Variants in AMMECR1 observed in about 807,000 individuals in gnomAD.
AMMECR1 encodes AMMECR nuclear protein 1.
Under a neutral mutation model 22.5 loss-of-function variants are expected in AMMECR1, and 3 were observed. The observed-to-expected ratio is 0.13, with a 90% CI of 0.06 to 0.35. The LOEUF is 0.35. AMMECR1 is among the 10% of genes least tolerant of loss of function. AMMECR1 has a pLI of 1.00. For synonymous variants in AMMECR1, 130 were observed against 116.7 expected (o/e 1.11, Z -0.74); for missense variants, 235 against 278.7 (o/e 0.84, Z 1.12).
chrX:110,433,776 C>T (rs1194227574), intron 1 of AMMECR1, among the ~76,000 whole-genome samples: 1 of 112,181 alleles, frequency 8.9e-6, no homozygotes, highest in East Asian at 2.8e-4. Context: ...TCATTATCGG[C>T]ATATTATATA....
intron 2 of AMMECR1, among the ~76,000 whole-genome samples, chrX:110,396,866 C>T (rs1217120504): frequency 8.9e-6 from 1 of 112,167 alleles, no homozygotes; most frequent in African/African-American, 3.2e-5. Flanking sequence ...GCACTTAGCC[C>T]ATCAGGACAG....
upstream of AMMECR1, among the ~76,000 whole-genome samples, chrX:110,322,691 G>C (rs1247542868): frequency 1.8e-5 from 2 of 111,526 alleles, no homozygotes; most frequent in African/African-American, 6.5e-5. Flanking sequence ...TCATGGCACC[G>C]AGGAGCAGAA....
chrX:110,434,828 T>C (rs2148334678), intron 1 of AMMECR1, among the ~76,000 whole-genome samples: 1 of 110,103 alleles, frequency 9.1e-6, no homozygotes, highest in Non-Finnish European at 1.9e-5. Context: ...GGGTTTCTCC[T>C]CTCCCATTTT....
chrX:110,294,410 G>A (rs1602867745), intron 1 of AMMECR1, among the ~76,000 whole-genome samples: 1 of 112,175 alleles, frequency 8.9e-6, no homozygotes, highest in African/African-American at 3.2e-5. Flanking sequence ...AAGATCCCTA[G>A]TGGGGAGAGG....
At chrX:110,293,213 T>C (rs919251804) in intron 1 of AMMECR1, among the ~76,000 whole-genome samples, 3 of 111,883 alleles carry the variant, frequency 2.7e-5, no homozygotes, top group Non-Finnish European at 3.8e-5. Context: ...AGCACCTAGG[T>C]AGCTGGGCGA....
chrX:110,409,219 A>T (rs1461929592), intron 2 of AMMECR1, among the ~76,000 whole-genome samples: 2 of 110,751 alleles, frequency 1.8e-5, no homozygotes, highest in Non-Finnish European at 3.8e-5. Flanking sequence ...ACTTTTGATC[A>T]CCAAAAGAAG....
At chrX:110,390,860 T>G (rs16985983) in intron 2 of AMMECR1, among the ~76,000 whole-genome samples, 5,347 of 112,002 alleles carry the variant, frequency 0.048, 144 homozygotes, top group African/African-American at 0.093. Flanking sequence ...TATGCCTTTC[T>G]TTCCCACGTC....
chrX:110,329,394 T>G lies in AMMECR1; in HGVS notation c.-147-11545A>C, dbSNP rs193034469. 2.7e-5 allele frequency among the ~76,000 whole-genome samples: 3 copies of G among 112,255 alleles called. No individual in the cohort carries two copies. In the Admixed American group the frequency reaches 2.8e-4, roughly 11 times the overall value. On this transcript the variant is annotated intron_variant, in intron 2 of 7. Coordinates refer to the AMMECR1 transcript ENST00000372057. ...TTTTAAAGCCATCCAGCAGAACACC[T>G]TCTCATCTTTATAGGACCCACTTCC... is the stretch of plus-strand genomic sequence containing the variant.
At chrX:110,256,201 C>T (rs1055024449) in intron 2 of AMMECR1, among the ~76,000 whole-genome samples, 3 of 111,981 alleles carry the variant, frequency 2.7e-5, no homozygotes, top group African/African-American at 9.7e-5. Flanking sequence ...TGTTACTATA[C>T]TGCATAATGT....
At chrX:110,399,978 G>A (rs914699536) in intron 2 of AMMECR1, among the ~76,000 whole-genome samples, 1 of 111,057 alleles carries the variant, frequency 9.0e-6, no homozygotes. Context: ...ACATTTCAAC[G>A]GAAAGACATT....
At chrX:110,330,039 G>C (rs1209469506) in intron 2 of AMMECR1, among the ~76,000 whole-genome samples, 3 of 111,408 alleles carry the variant, frequency 2.7e-5, no homozygotes, top group Non-Finnish European at 5.7e-5. Context: ...AAATTGAGCT[G>C]ATTGGCTCCA....
intron 2 of AMMECR1, among the ~76,000 whole-genome samples, chrX:110,345,410 G>A (rs1602914834): frequency 9.1e-6 from 1 of 109,983 alleles, no homozygotes; most frequent in Non-Finnish European, 1.9e-5. Context: ...TGAGTTCATG[G>A]GTGCAGCACA....
intron 2 of AMMECR1, among the ~76,000 whole-genome samples, chrX:110,327,846 G>T (rs1309397116): frequency 1.8e-5 from 2 of 111,559 alleles, no homozygotes; most frequent in Non-Finnish European, 3.8e-5. Flanking sequence ...CCTGAAAAGA[G>T]CAAATACTGA....
At chrX:110,271,569 C>T (rs918426586) in intron 1 of AMMECR1, among the ~76,000 whole-genome samples, 2 of 110,897 alleles carry the variant, frequency 1.8e-5, no homozygotes, top group Admixed American at 1.9e-4. Flanking sequence ...AGCAAATCAA[C>T]AATTTTCAGC....
chrX:110,418,538 G>A (rs751676336), intron 2 of AMMECR1, among the ~76,000 whole-genome samples: 16 of 111,818 alleles, frequency 1.4e-4, no homozygotes, highest in Admixed American at 4.7e-4. Context: ...CAAGGAACAT[G>A]AACGAGAGGA....
intron 2 of AMMECR1, among the ~76,000 whole-genome samples, chrX:110,370,500 C>A (rs780945525): frequency 8.9e-6 from 1 of 112,582 alleles, no homozygotes; most frequent in African/African-American, 3.2e-5. Context: ...TGAGCCACTG[C>A]GCCCGGCCTA....
chrX:110,341,586 C>T (rs890631968), intron 2 of AMMECR1, among the ~76,000 whole-genome samples: 4 of 112,248 alleles, frequency 3.6e-5, no homozygotes, highest in Non-Finnish European at 5.6e-5. Context: ...AGGGTAACCA[C>T]GCAGTCTAAA....
chrX:110,369,593 G>A (rs2068323404), intron 2 of AMMECR1, among the ~76,000 whole-genome samples: 1 of 110,335 alleles, frequency 9.1e-6, no homozygotes, highest in Non-Finnish European at 1.9e-5. Context: ...ACATCAGCCT[G>A]GGGCATGTCA....
intron 2 of AMMECR1, among the ~76,000 whole-genome samples, chrX:110,369,357 AAAAG>A (rs1371090400): frequency 9.0e-6 from 1 of 111,580 alleles, no homozygotes; most frequent in African/African-American, 3.3e-5. Context: ...GAAAAAAAGA[AAAAG>A]AAAGATTTTT....
Sources: gnomAD v4.1 joint callset for allele counts (sites outside exome capture counted in the v4.1 genomes callset) on GRCh38, gnomAD v4.1.1 for gene constraint, MANE v1.5 for transcripts, NCBI Gene and HGNC (gene_info 2026-07-23, HGNC 2026-07-21) for gene names.